WEE2: variants seen among roughly 807,000 people sequenced by gnomAD.
The protein encoded by WEE2 is WEE2 oocyte meiosis inhibiting kinase.
WEE2 carries 50 observed loss-of-function variants against 60.1 expected under a neutral mutation model. That is an observed-to-expected ratio of 0.83 (90% CI 0.66 to 1.05). The LOEUF (loss-of-function observed/expected upper bound fraction) is 1.05. Ranked by LOEUF, WEE2 falls within the 50% of genes least tolerant of loss-of-function variation. The pLI is 0.00. For missense variants in WEE2, 631 were observed against 684.3 expected, an observed-to-expected ratio of 0.92 and a Z score of 0.87; for synonymous variants, 240 against 241.0, an observed-to-expected ratio of 1.00 and a Z score of 0.04.
intron 6 of WEE2, 120 bp downstream of exon 6, chr7:141,723,400 C>A (rs1420854550): frequency 3.4e-5 from 37 of 1,092,182 alleles, no homozygotes; most frequent in Middle Eastern, 2.1e-4. Flanking sequence ...GAACCCCTTT[C>A]TTCCATTTGT....
chr7:141,718,183 C>T (rs557881692), intron 3 of WEE2, among the ~76,000 whole-genome samples: 14 of 151,962 alleles, frequency 9.2e-5, no homozygotes, highest in East Asian at 1.9e-4. Flanking sequence ...TTTTCAAACT[C>T]ATAAAGTTGG....
intron 5 of WEE2, among the ~76,000 whole-genome samples, chr7:141,721,439 C>T (rs1034802036): frequency 1.3e-5 from 2 of 152,104 alleles, no homozygotes; most frequent in Admixed American, 1.3e-4. Flanking sequence ...CTCACCTACA[C>T]ACTTTGTCTT....
chr7:141,709,159 T>G, intron 1 of WEE2, 59 bp downstream of exon 1: 1 of 1,441,390 alleles, frequency 6.9e-7, no homozygotes, highest in Non-Finnish European at 9.6e-7. Flanking sequence ...TTCCTGTAGT[T>G]TAGCTGATAG....
intron 9 of WEE2, 155 bp from the exon 10 acceptor site, chr7:141,727,149 G>A: frequency 1.4e-6 from 1 of 723,550 alleles, no homozygotes; most frequent in Non-Finnish European, 2.3e-6. Flanking sequence ...TCCTGCCCCA[G>A]GTGGAGCTCA....
At chr7:141,718,197 A>G (rs1798842390) in intron 3 of WEE2, among the ~76,000 whole-genome samples, 1 of 152,160 alleles carries the variant, frequency 6.6e-6, no homozygotes, top group Non-Finnish European at 1.5e-5. Flanking sequence ...AAGTTGGAGA[A>G]AAATTCTTCA....
intron 1 of WEE2, 95 bp from the exon 2 acceptor site, chr7:141,714,114 C>CA (rs1798753700): frequency 9.0e-7 from 1 of 1,113,874 alleles, no homozygotes; most frequent in Non-Finnish European, 1.3e-6. Context: ...GCCCCTTCAG[C>CA]AAAAGCATTC....
intron 3 of WEE2, among the ~76,000 whole-genome samples, chr7:141,717,131 C>T (rs1798817991): frequency 6.6e-6 from 1 of 152,156 alleles, no homozygotes; most frequent in Non-Finnish European, 1.5e-5. Flanking sequence ...ATTTTATACG[C>T]TGAATGACCA....
rs373315412 is a variant in WEE2, at chr7:141,719,240, A to G, written c.754A>G (p.Asn252Asp). The G allele has an allele frequency of 2.5e-6, 4 of 1,606,046 alleles. No homozygotes were observed. The African/African-American group carries it at 5.4e-5, about 22-fold the overall frequency. The change falls in exon 4 of 12, where the codon AAT (asparagine) becomes GAT (aspartate). Residue 252 changes from asparagine to aspartate, a missense_variant. Transcript: ENST00000397541. The stretch of plus-strand genomic sequence containing the variant: ...TATGAAAACTTTTACAGAATTATCA[A>G]ATGAGTGAGTACCTTTGAAATGCAC... ...RSMKTFTELSNENSALHEVYA... is the reference protein window; with the variant it reads ...RSMKTFTELSDENSALHEVYA...
At position 141,729,536 on chromosome 7, in the gene WEE2, T is replaced by C; in HGVS notation, c.1541T>C (p.Leu514Pro). The C allele has an allele frequency of 6.2e-7, 1 of 1,614,224 alleles. No individual in the cohort carries two copies. Among genetic ancestry groups the C allele is most frequent in the Non-Finnish European group, 8.5e-7 (1 of 1,180,048 alleles). ...TTTTCTCCCTCGCACTTCAGGGAAC[T>C]GAGAGAAGCCCAGCAGGCCCAGTCA... ...KFKTATLERELREAQQAQSPQ... is the reference protein window; with the variant it reads ...KFKTATLEREPREAQQAQSPQ... The change falls in exon 11 of 12, where the codon CTG (leucine) becomes CCG (proline). Residue 514 changes from leucine to proline, a missense_variant. Physicochemically the swap from Leu to Pro is moderately conservative, Grantham distance 98. Coordinates refer to ENST00000397541, the MANE Select transcript of WEE2 (RefSeq NM_001105558.1).
At chr7:141,728,841 C>T (rs1304251576) in intron 10 of WEE2, among the ~76,000 whole-genome samples, 2 of 152,184 alleles carry the variant, frequency 1.3e-5, no homozygotes, top group African/African-American at 4.8e-5. Flanking sequence ...CTATTGTAAA[C>T]TGTGCATGTG....
rs371002048 is a variant in WEE2 at position 141,709,055 on chromosome 7, C to G, written c.297C>G (p.Asp99Glu). The change falls in exon 1 of 12, where the codon GAC becomes GAG. Residue 99 changes from aspartate (D) to glutamate (E), a missense_variant. By Grantham distance (45) the Asp-to-Glu change is conservative. Coordinates refer to ENST00000397541, the MANE Select transcript of WEE2 (RefSeq NM_001105558.1). ...LKCPETPAQP[D>E]SRSKLLPSDS... Reference sequence around the variant, plus strand: ...GTCCTGAGACACCAGCCCAACCAGACAGCAGGAGCAAGCTGCTGCCCAGTG... The same window carrying G: ...GTCCTGAGACACCAGCCCAACCAGAGAGCAGGAGCAAGCTGCTGCCCAGTG... The G allele has an allele frequency of 3.1e-6, 5 of 1,614,148 alleles. No individual in the cohort carries two copies. In the Admixed American group the frequency reaches 6.7e-5, roughly 22 times the overall value.
rs747811203 is a variant in WEE2, at chr7:141,720,983, C to A, written c.807C>A (p.His269Gln). ...ATGCTCACGCAGTGCTTGGGCATCA[C>A]CCCCATGTGGTACGTTACTATTCCT... ...EVYAHAVLGHHPHVVRYYSSW... is the reference protein window; with the variant it reads ...EVYAHAVLGHQPHVVRYYSSW... The change falls in exon 5 of 12, where the codon CAC becomes CAA. Residue 269 changes from histidine to glutamine, a missense_variant. Transcript: ENST00000397541. The A allele has an allele frequency of 1.2e-6, 2 of 1,613,914 alleles. No homozygotes were observed. Among genetic ancestry groups the A allele is most frequent in the African/African-American group, 1.3e-5 (1 of 75,030 alleles).
intron 4 of WEE2, among the ~76,000 whole-genome samples, chr7:141,719,761 GTGTTT>G (rs1227202757): frequency 2.0e-5 from 3 of 152,076 alleles, no homozygotes; most frequent in Non-Finnish European, 2.9e-5. Flanking sequence ...TCATGATGTG[GTGTTT>G]TGTTTTGTTT....
Position 141,714,246 on chromosome 7 carries a change from A to C in WEE2, c.380A>C (p.Lys127Thr), listed in dbSNP as rs753303491. Reference sequence around the variant, plus strand: ...CGGTTGGTGATTTCTCCAACAGGGAAGCTTCCTTCCAGAGGCCCTAAGCAT... The same window carrying C: ...CGGTTGGTGATTTCTCCAACAGGGACGCTTCCTTCCAGAGGCCCTAAGCAT... ...LSRLVISPTGKLPSRGPKHLK... is the reference protein window; with the variant it reads ...LSRLVISPTGTLPSRGPKHLK... The change falls in exon 2 of 12, where the codon AAG becomes ACG. Residue 127 changes from lysine to threonine, a missense_variant. Lys to Thr is a moderately conservative substitution (Grantham distance 78). Transcript: ENST00000397541. 1 of 1,613,168 alleles carries C rather than the reference A, an allele frequency of 6.2e-7. No individual in the cohort carries two copies. Among genetic ancestry groups the C allele is most frequent in the South Asian group, 1.1e-5 (1 of 90,850 alleles).
intron 2 of WEE2, 84 bp downstream of exon 2, chr7:141,714,489 G>A: frequency 9.5e-7 from 1 of 1,048,846 alleles, no homozygotes; most frequent in Non-Finnish European, 1.4e-6. Flanking sequence ...GTAAGATTAG[G>A]AACGAGAACT....
At position 141,708,822 on chromosome 7, in the gene WEE2, A is replaced by G. The variant is rs1563010917; in HGVS notation, c.64A>G (p.Thr22Ala). 6.2e-7 allele frequency: 1 copy of G among 1,614,138 alleles called. No individual in the cohort carries two copies. The highest frequency in any genetic ancestry group is 2.2e-5 in the East Asian group (1 of 44,884). ...ATTAAACTTTTCCTATTGTGAGGAG[A>G]CTGAGATTGAAGGGCAGAAGAAAGT... is the stretch of plus-strand genomic sequence containing the variant. ...QKLNFSYCEE[T>A]EIEGQKKVEE... The change falls in exon 1 of 12, where the codon ACT becomes GCT. Residue 22 changes from threonine (T) to alanine (A), a missense_variant. Transcript: ENST00000397541.
intron 2 of WEE2, 63 bp downstream of exon 2, chr7:141,714,468 T>A: frequency 7.8e-7 from 1 of 1,280,264 alleles, no homozygotes. Context: ...TAGTAAGAAG[T>A]GAGTGTTAAA....
chr7:141,727,487 C>A (rs1451653501), intron 10 of WEE2, 41 bp downstream of exon 10: 2 of 1,608,428 alleles, frequency 1.2e-6, no homozygotes, highest in East Asian at 2.2e-5. Context: ...AGAATCTGAG[C>A]ACTACTCACA....
At position 141,730,644 on chromosome 7, in the gene WEE2, A is replaced by G. The variant is rs1340137030; in HGVS notation, c.*324A>G. 1.3e-5 allele frequency: 3 copies of G among 226,680 alleles called. No individual in the cohort carries two copies. The highest frequency in any genetic ancestry group is 2.6e-5 in the Non-Finnish European group (3 of 117,296). The allele number at this position is 226,680 out of a possible 1,614,324, so 14.0% of individuals were successfully genotyped here. A position where few individuals can be genotyped will look rare whatever the true frequency, so the allele number is the denominator to read the frequency against. ...AAGTTAGACTGCATGCAACTTGGACATCTCTGAGCTGGTTGTTAACTTGCA... is the reference window on the plus strand; with the variant it reads ...AAGTTAGACTGCATGCAACTTGGACGTCTCTGAGCTGGTTGTTAACTTGCA... On this transcript the variant is annotated 3_prime_UTR_variant, in exon 12 of 12. Transcript: ENST00000397541.
Sources: gnomAD v4.1 joint callset for allele counts (sites outside exome capture counted in the v4.1 genomes callset) on GRCh38, gnomAD v4.1.1 for gene constraint, MANE v1.5 for transcripts, NCBI Gene and HGNC (gene_info 2026-07-23, HGNC 2026-07-21) for gene names.